The following PARVB variants were observed in gnomAD, a reference collection of about 807,000 sequenced individuals.
The protein encoded by PARVB is parvin beta.
PARVB carries 46 observed loss-of-function variants against 47.0 expected under a neutral mutation model. The ratio of observed to expected loss-of-function variants is 0.98; its 90% CI spans 0.77 to 1.25. PARVB has a LOEUF of 1.25. Ranked by LOEUF, PARVB falls within the 50% of genes most tolerant of loss-of-function variation. PARVB has a pLI of 0.00. For synonymous variants in PARVB, 196 were observed against 196.3 expected (o/e 1.00, Z 0.01); for missense variants, 473 against 471.6 (o/e 1.00, Z -0.03).
At chr22:44,086,030 A>C (rs1036811226) in intron 1 of PARVB, among the ~76,000 whole-genome samples, 2 of 152,226 alleles carry the variant, frequency 1.3e-5, no homozygotes, top group Admixed American at 1.3e-4. Context: ...GCCCCAGCAC[A>C]ACAAGCCCCA....
rs145239177 is a variant in PARVB, at chr22:44,151,196, G to A, written c.775-287G>A. On this transcript the variant is annotated intron_variant, in intron 9 of 12. Coordinates refer to ENST00000338758, the MANE Select transcript of PARVB (RefSeq NM_013327.5). ...TTCATCTTTCTTAAGAGCACAGGGTGCTCTCCAGTATGATTGTTAAATATG... is the reference window on the plus strand; with the variant it reads ...TTCATCTTTCTTAAGAGCACAGGGTACTCTCCAGTATGATTGTTAAATATG... 361 of 325,944 alleles carry A rather than the reference G, an allele frequency of 1.1e-3. 2 individuals are homozygous for A. Among genetic ancestry groups the A allele is most frequent in the African/African-American group, 7.0e-3 (337 of 48,152 alleles). 20.2% of individuals were successfully genotyped at this position (325,944 alleles called of 1,614,324 possible). A position where few individuals can be genotyped will look rare whatever the true frequency, so the allele number is the denominator to read the frequency against.
chr22:44,163,955 C>T (rs776614256), intron 12 of PARVB, 25 bp downstream of exon 12: 1 of 1,589,816 alleles, frequency 6.3e-7, no homozygotes, highest in Non-Finnish European at 8.6e-7. Flanking sequence ...TCAGGTTCCC[C>T]CGGGAGAGGT....
At chr22:44,062,833 C>A (rs956983261) in intron 1 of PARVB, among the ~76,000 whole-genome samples, 1 of 151,042 alleles carries the variant, frequency 6.6e-6, no homozygotes, top group Non-Finnish European at 1.5e-5. Flanking sequence ...ATGTGTTTAC[C>A]CACCCGGAAG....
chr22:44,017,398 G>A (rs2050595147), intron 2 of PARVB, among the ~76,000 whole-genome samples: 1 of 152,074 alleles, frequency 6.6e-6, no homozygotes, highest in African/African-American at 2.4e-5. Flanking sequence ...CGAGTACCAC[G>A]CTTGCATTTA....
chr22:44,122,424 T>G (rs2053066757), intron 4 of PARVB, among the ~76,000 whole-genome samples: 1 of 150,812 alleles, frequency 6.6e-6, no homozygotes, highest in Non-Finnish European at 1.5e-5. Flanking sequence ...AAGTTGAGGC[T>G]GCAGTGAGCC....
At chr22:44,062,497 G>A (rs1365916360) in intron 1 of PARVB, among the ~76,000 whole-genome samples, 1 of 152,088 alleles carries the variant, frequency 6.6e-6, no homozygotes, top group East Asian at 1.9e-4. Flanking sequence ...AATTGGTTGG[G>A]CATGGTGGTG....
rs1056377606 is a variant in PARVB, at chr22:44,155,453, G to A, written c.844-2529G>A. On this transcript the variant is annotated intron_variant, in intron 10 of 12. Coordinates refer to ENST00000338758, the MANE Select transcript of PARVB (RefSeq NM_013327.5). This position sits in a 1 kb window ranked among gnomAD's most constrained non-coding sequence, Gnocchi z 4.8. The stretch of plus-strand genomic sequence containing the variant: ...CCAGCCCTGCCCTCTCCTTGTGGCC[G>A]TCCCTCCCTCCTTCCTGTGAGCCCG... Among the ~76,000 whole-genome samples the A allele has an allele frequency of 1.5e-4, 23 of 152,264 alleles. No individual in the cohort carries two copies. The highest frequency in any genetic ancestry group is 4.6e-4 in the African/African-American group (19 of 41,546).
chr22:44,086,644 A>T, intron 1 of PARVB: 1 of 565,896 alleles, frequency 1.8e-6, no homozygotes, highest in South Asian at 7.7e-5. Flanking sequence ...TGATGTTTTT[A>T]TTCTGATTTA....
intron 1 of PARVB, among the ~76,000 whole-genome samples, chr22:44,090,381 C>T (rs373178992): frequency 6.6e-6 from 1 of 152,252 alleles, no homozygotes; most frequent in Non-Finnish European, 1.5e-5. Context: ...CGCTGCTGAG[C>T]AGTCCCTGGG....
At chr22:44,047,993 C>T (rs1407358967) in intron 1 of PARVB, among the ~76,000 whole-genome samples, 5 of 152,206 alleles carry the variant, frequency 3.3e-5, no homozygotes, top group African/African-American at 1.2e-4. Flanking sequence ...CAGCTCCGTC[C>T]TGTCTCCAGC....
chr22:44,100,233 T>C, intron 3 of PARVB, 110 bp downstream of exon 3: 1 of 821,184 alleles, frequency 1.2e-6, no homozygotes, highest in Admixed American at 2.0e-5. Flanking sequence ...CTGAAAGGGA[T>C]GTTGGTGCTG....
chr22:44,022,791 G>C (rs2050666506), upstream of PARVB, among the ~76,000 whole-genome samples: 1 of 151,256 alleles, frequency 6.6e-6, no homozygotes, highest in South Asian at 2.1e-4. Flanking sequence ...CTGTCACCCA[G>C]GCTGGAGTGC....
chr22:44,130,365 C>T (rs1230165512), intron 4 of PARVB, among the ~76,000 whole-genome samples: 1 of 152,158 alleles, frequency 6.6e-6, no homozygotes, highest in African/African-American at 2.4e-5. Context: ...CTGTGTGGCC[C>T]TGCAGCGGGC....
At chr22:44,066,828 CCTCCATCTCCTCCTCTCTT>C (rs1569088090) in intron 1 of PARVB, among the ~76,000 whole-genome samples, 1 of 101,030 alleles carries the variant, frequency 9.9e-6, no homozygotes. Context: ...TCCTCTTCCT[CCTCCATCTCCTCCTCTCTT>C]CTTCTTCCTT....
At chr22:44,143,504 GA>G (rs2053599451) in intron 8 of PARVB, 1 of 152,322 alleles carries the variant, frequency 6.6e-6, no homozygotes, top group Non-Finnish European at 1.5e-5. Flanking sequence ...GGAGCTTCTG[GA>G]AGGCCGGGCA....
Position 44,146,400 on chromosome 22 carries a change from C to T in PARVB, c.713-1461C>T, listed in dbSNP as rs949218159. The T allele has an allele frequency of 5.3e-5, 8 of 152,232 alleles. No homozygotes were observed. In the East Asian group the frequency reaches 7.7e-4, roughly 15 times the overall value. The allele number at this position is 152,232 out of a possible 1,614,324, so 9.4% of individuals were successfully genotyped here. ...TCGCACACGCACACATGCTCACACA[C>T]GCAAACACGTGCCCACAATGCACAC... On this transcript the variant is annotated intron_variant, in intron 8 of 12. Coordinates refer to ENST00000338758, the MANE Select transcript of PARVB (RefSeq NM_013327.5).
At position 44,170,568 on chromosome 22, in the gene PARVB, T is replaced by C. The variant is rs1159768869; in HGVS notation, c.*1890T>C. The C allele has an allele frequency of 2.0e-5, 3 of 152,194 alleles. No homozygotes were observed. The highest frequency in any genetic ancestry group is 2.1e-4 in the South Asian group (1 of 4,820). The allele number at this position is 152,194 out of a possible 1,614,324, so 9.4% of individuals were successfully genotyped here. A position where few individuals can be genotyped will look rare whatever the true frequency, so the allele number is the denominator to read the frequency against. On this transcript the variant is annotated 3_prime_UTR_variant, in exon 13 of 13. Coordinates refer to ENST00000338758, the MANE Select transcript of PARVB (RefSeq NM_013327.5). ...TAAAAGGAGTCGCTGCTCACTCAGT[T>C]ATGGGTTGTTCACCCCCTCGCTCAC...
intron 1 of PARVB, among the ~76,000 whole-genome samples, chr22:44,083,859 A>AT (rs1186497231): frequency 6.6e-6 from 1 of 152,142 alleles, no homozygotes; most frequent in African/African-American, 2.4e-5. Context: ...TATTGGAAGG[A>AT]TTTCTACATC....
chr22:44,027,863 G>A (rs1316904497), intron 1 of PARVB, among the ~76,000 whole-genome samples: 7 of 149,226 alleles, frequency 4.7e-5, no homozygotes, highest in Admixed American at 1.3e-4. Flanking sequence ...GCCTCACTGC[G>A]CTGCAGGCTG....
Sources: gnomAD v4.1 joint callset for allele counts (sites outside exome capture counted in the v4.1 genomes callset) on GRCh38, gnomAD v4.1.1 for gene constraint, Gnocchi (gnomAD v3.1) non-coding constraint, MANE v1.5 for transcripts, NCBI Gene and HGNC (gene_info 2026-07-23, HGNC 2026-07-21) for gene names.